The following TMEM198 variants were observed in gnomAD, a reference collection of about 807,000 sequenced individuals.
TMEM198 encodes transmembrane protein 198.
Under a neutral mutation model 31.5 loss-of-function variants are expected in TMEM198, and 21 were observed. The observed-to-expected ratio is 0.67, with a 90% CI of 0.47 to 0.96. The LOEUF is 0.96. Among genes scored for constraint, TMEM198 ranks in the 40% least tolerant of loss-of-function variants. The probability of loss-of-function intolerance (pLI) is 0.00; values close to 1 mark genes in which losing one functional copy is unlikely to be tolerated. For synonymous variants in TMEM198, 211 were observed against 223.3 expected (o/e 0.95, Z 0.49); for missense variants, 447 against 499.4 (o/e 0.89, Z 1.00).
In TMEM198 at chr2:219,544,732, C is replaced by T. The variant is rs1473056656; in HGVS notation, c.5C>T (p.Pro2Leu). The change falls in exon 2 of 5, where the codon CCG (proline) becomes CTG (leucine). Residue 2 changes from proline (P) to leucine (L), a missense_variant. By Grantham distance (98) the Pro-to-Leu change is moderately conservative (BLOSUM62 -3). Transcript: ENST00000373883. ...CTCCCTTCTATTCCCAGCACTATGC[C>T]GGGGACTGTGGCAACACTGCGGTTC... M[P>L]GTVATLRFQL... 6.2e-7 allele frequency: 1 copy of T among 1,613,642 alleles called. No homozygotes were observed. Among genetic ancestry groups the T allele is most frequent in the Non-Finnish European group, 8.5e-7 (1 of 1,179,980 alleles).
At chr2:219,545,657 G>C (rs1307222201) in intron 2 of TMEM198, among the ~76,000 whole-genome samples, 1 of 152,258 alleles carries the variant, frequency 6.6e-6, no homozygotes, top group Admixed American at 6.5e-5. Context: ...TGGCTTTGCA[G>C]CAAGAGTTAC....
Position 219,550,457 on chromosome 2 carries a change from G to A in TMEM198, c.*603G>A. 4.1e-6 allele frequency: 1 copy of A among 244,220 alleles called. No homozygotes were observed. The highest frequency in any genetic ancestry group is 7.5e-5 in the South Asian group (1 of 13,294). The allele number at this position is 244,220 out of a possible 1,614,324, so 15.1% of individuals were successfully genotyped here. On this transcript the variant is annotated 3_prime_UTR_variant, in exon 5 of 5. Transcript: ENST00000373883. ...TGCTCTGGGCTGGGTTGGGAAGGGAGTTGGGGAGGGGTTTAAATGCACGGT... is the reference window on the plus strand; with the variant it reads ...TGCTCTGGGCTGGGTTGGGAAGGGAATTGGGGAGGGGTTTAAATGCACGGT...
At chr2:219,547,325 C>G (rs1695409284) in intron 2 of TMEM198, 181 bp from the exon 3 acceptor site, 5 of 485,158 alleles carry the variant, frequency 1.0e-5, no homozygotes, top group Admixed American at 3.1e-5. Context: ...TCTCTCTAAC[C>G]TCCCCTGACC....
At chr2:219,547,366 C>T in intron 2 of TMEM198, 140 bp from the exon 3 acceptor site, 1 of 661,898 alleles carries the variant, frequency 1.5e-6, no homozygotes, top group Non-Finnish European at 2.3e-6. Context: ...GCCGTCATGA[C>T]TCCAGTGACC....
In TMEM198 at chr2:219,550,390, C is replaced by T. The variant is rs999783999; in HGVS notation, c.*536C>T. On this transcript the variant is annotated 3_prime_UTR_variant, in exon 5 of 5. Transcript: ENST00000373883. The stretch of plus-strand genomic sequence containing the variant: ...TGGTCCCCTGGCCTCTGTAAAGCCA[C>T]CAGCCTGAGGGCAGTGGCAGGAGAT... 1 of 203,888 alleles carries T rather than the reference C, an allele frequency of 4.9e-6. No homozygotes were observed. The highest frequency in any genetic ancestry group is 1.0e-5 in the Non-Finnish European group (1 of 100,108). 12.6% of individuals were successfully genotyped at this position (203,888 alleles called of 1,614,324 possible).
intron 3 of TMEM198, 102 bp downstream of exon 3, chr2:219,548,183 G>T (rs1170345331): frequency 3.6e-6 from 4 of 1,106,400 alleles, no homozygotes; most frequent in Non-Finnish European, 5.0e-6. Context: ...AGAAGGCCTC[G>T]ATGGCGGTAG....
Position 219,544,697 on chromosome 2 carries a change from G to A in TMEM198, c.-31G>A. 6.2e-7 allele frequency: 1 copy of A among 1,603,160 alleles called. No homozygotes were observed. On this transcript the variant is annotated 5_prime_UTR_variant, in exon 2 of 5. Transcript: ENST00000373883. Reference sequence around the variant, plus strand: ...AACTTTCCCTCTGTCAGGTTAACTTGGGAGGGTGACTCCCTTCTATTCCCA... The same window carrying A: ...AACTTTCCCTCTGTCAGGTTAACTTAGGAGGGTGACTCCCTTCTATTCCCA...
At chr2:219,549,401 A>C (rs1438525959) in intron 4 of TMEM198, 47 bp downstream of exon 4, 1 of 1,580,062 alleles carries the variant, frequency 6.3e-7, no homozygotes, top group East Asian at 2.3e-5. Context: ...GAAGTGTGGA[A>C]ACTCTTTCCA....
Position 219,550,028 on chromosome 2 carries a change from C to A in TMEM198, c.*174C>A. ...GCGAGTCTTGGCCTGAGAGGAAAGCCCCCTCCCAAGCTCCCAAGAGGCTCC... is the reference window on the plus strand; with the variant it reads ...GCGAGTCTTGGCCTGAGAGGAAAGCACCCTCCCAAGCTCCCAAGAGGCTCC... On this transcript the variant is annotated 3_prime_UTR_variant, in exon 5 of 5. Transcript: ENST00000373883. 1 of 884,614 alleles carries A rather than the reference C, an allele frequency of 1.1e-6. No individual in the cohort carries two copies. The allele number at this position is 884,614 out of a possible 1,614,324, so 54.8% of individuals were successfully genotyped here.
rs761761549 is a variant in TMEM198 at position 219,544,233 on chromosome 2, C to A, written c.-184C>A. On this transcript the variant is annotated 5_prime_UTR_variant, in exon 1 of 5. Transcript: ENST00000373883. ...GCGCCGCCACCGCGCCGACACCATT[C>A]TCTCCGGCCCAGCAGCCCCCTTCCT... The A allele has an allele frequency of 8.6e-6, 4 of 466,238 alleles. 1 individual carries two copies. Among genetic ancestry groups the A allele is most frequent in the South Asian group, 6.2e-5 (4 of 64,576 alleles). The allele number at this position is 466,238 out of a possible 1,614,324, so 28.9% of individuals were successfully genotyped here.
chr2:219,548,524 G>A (rs961634021), intron 3 of TMEM198, among the ~76,000 whole-genome samples: 1 of 152,206 alleles, frequency 6.6e-6, no homozygotes, highest in Non-Finnish European at 1.5e-5. Context: ...GGCACTTGAA[G>A]GCTAAGGGGC....
Position 219,547,642 on chromosome 2 carries a change from C to T in TMEM198, c.303C>T (p.Gly101=). The T allele has an allele frequency of 6.6e-7, 1 of 1,525,602 alleles. No individual in the cohort carries two copies. Among genetic ancestry groups the T allele is most frequent in the Non-Finnish European group, 8.8e-7 (1 of 1,135,300 alleles). The allele number at this position is 1,525,602 out of a possible 1,614,324, so 94.5% of individuals were successfully genotyped here. The change falls in exon 3 of 5, where the codon GGC becomes GGT. Residue 101 remains glycine (G), a synonymous_variant. Transcript: ENST00000373883. The stretch of plus-strand genomic sequence containing the variant: ...GGGCGAGCGCGGGCATCGCTCTGGG[C>T]ATCGGGCTGCTCTGCGGGCTGGTGG... ...SAGASAGIAL[G]IGLLCGLVAM... is the part of the protein sequence containing the mutation.
Position 219,550,557 on chromosome 2 carries a change from T to G in TMEM198, c.*703T>G. The G allele has an allele frequency of 2.0e-6, 1 of 503,520 alleles. No homozygotes were observed. The highest frequency in any genetic ancestry group is 3.3e-5 in the East Asian group (1 of 30,682). The allele number at this position is 503,520 out of a possible 1,614,324, so 31.2% of individuals were successfully genotyped here. A position where few individuals can be genotyped will look rare whatever the true frequency, so the allele number is the denominator to read the frequency against. Reference sequence around the variant, plus strand: ...CCCCCACCCCACTCTGTTTTACATCTTTTATAAATGTGCCAAACTGTGTGG... The same window carrying G: ...CCCCCACCCCACTCTGTTTTACATCGTTTATAAATGTGCCAAACTGTGTGG... On this transcript the variant is annotated 3_prime_UTR_variant, in exon 5 of 5. Transcript: ENST00000373883.
intron 1 of TMEM198, 140 bp downstream of exon 1, chr2:219,544,517 C>T: frequency 1.6e-6 from 1 of 625,852 alleles, no homozygotes; most frequent in Non-Finnish European, 2.8e-6. Flanking sequence ...TAGCCAGGCA[C>T]TTTTGTTTCC....
chr2:219,547,320 C>G, intron 2 of TMEM198, 186 bp from the exon 3 acceptor site: 4 of 478,988 alleles, frequency 8.4e-6, no homozygotes, highest in African/African-American at 2.0e-5. Context: ...CCATATCTCT[C>G]TAACCTCCCC....
In TMEM198 at chr2:219,549,799, A is replaced by C; in HGVS notation, c.1028A>C (p.Glu343Ala). 2 of 1,614,000 alleles carry C rather than the reference A, an allele frequency of 1.2e-6. No individual in the cohort carries two copies. The highest frequency in any genetic ancestry group is 1.7e-6 in the Non-Finnish European group (2 of 1,179,972). Residue 343 changes from glutamate (E) to alanine (A), a missense_variant, in exon 5 of 5, where the codon GAG becomes GCG. Glu to Ala is a moderately radical substitution (Grantham distance 107). Coordinates refer to ENST00000373883, the MANE Select transcript of TMEM198 (RefSeq NM_001005209.3). ...FMASPTDADY[E>A]YGSRGPLTAC... ...GCCTCACCCACAGATGCGGACTATG[A>C]GTATGGGTCCCGGGGACCTCTGACA...
chr2:219,548,032 C>A lies in TMEM198; in HGVS notation c.693C>A (p.Gly231=). 1 of 1,586,804 alleles carries A rather than the reference C, an allele frequency of 6.3e-7. No homozygotes were observed. Among genetic ancestry groups the A allele is most frequent in the Non-Finnish European group, 8.5e-7 (1 of 1,169,694 alleles). The change falls in exon 3 of 5, where the codon GGC becomes GGA. Residue 231 remains glycine (G), a synonymous_variant. Coordinates refer to ENST00000373883, the MANE Select transcript of TMEM198 (RefSeq NM_001005209.3). ...TCTGGCCCCTGCTCAGCCTGATGGG[C>A]GTTCTGGTGCAGTGGAGGGTGACAG... ...LALWPLLSLM[G]VLVQWRVTAE... is the part of the protein sequence containing the mutation.
At chr2:219,543,867 G>A (rs1282354836), upstream of TMEM198, 1 of 378,440 alleles carries the variant, frequency 2.6e-6, no homozygotes, top group African/African-American at 2.2e-5. Context: ...GGGAGGAGAA[G>A]GGGGAGGTTA....
At position 219,549,166 on chromosome 2, in the gene TMEM198, C is replaced by A; in HGVS notation, c.757C>A (p.Gln253Lys). ...DSHTEVVISR[Q>K]RRRVQLMRIR... ...TCCCACCACAGTGGTCATCAGCCGG[C>A]AGCGCCGACGCGTGCAACTGATGCG... The change falls in exon 4 of 5, where the codon CAG (glutamine) becomes AAG (lysine). Residue 253 changes from glutamine (Q) to lysine (K), a missense_variant. Gln to Lys is a moderately conservative substitution (Grantham distance 53, BLOSUM62 1). Coordinates refer to ENST00000373883, the MANE Select transcript of TMEM198 (RefSeq NM_001005209.3). The A allele has an allele frequency of 6.2e-7, 1 of 1,613,932 alleles. No homozygotes were observed. The highest frequency in any genetic ancestry group is 8.5e-7 in the Non-Finnish European group (1 of 1,180,018).
Sources: gnomAD v4.1 joint callset for allele counts (sites outside exome capture counted in the v4.1 genomes callset) on GRCh38, gnomAD v4.1.1 for gene constraint, MANE v1.5 for transcripts, NCBI Gene and HGNC (gene_info 2026-07-23, HGNC 2026-07-21) for gene names.